The following MECOM variants were observed in gnomAD, a reference collection of about 807,000 sequenced individuals.
The protein encoded by MECOM is MDS1 and EVI1 complex locus, also known as histone-lysine N-methyltransferase MECOM.
Under a neutral mutation model 116.3 loss-of-function variants are expected in MECOM, and 13 were observed. That is an observed-to-expected ratio of 0.11 (90% CI 0.07 to 0.18). The LOEUF (loss-of-function observed/expected upper bound fraction) is 0.18. Ranked by LOEUF, MECOM falls within the 10% of genes least tolerant of loss-of-function variation. MECOM has a pLI of 1.00. For missense variants in MECOM, 1,299 were observed against 1,509.0 expected (o/e 0.86, Z 2.31); for synonymous variants, 528 against 535.2 (o/e 0.99, Z 0.19).
intron 1 of MECOM, among the ~76,000 whole-genome samples, chr3:169,576,067 G>T (rs1208298466): frequency 6.6e-6 from 1 of 152,142 alleles, no homozygotes; most frequent in Non-Finnish European, 1.5e-5. Context: ...GTAGGAGATG[G>T]AGTTTATGAT....
chr3:169,636,897 G>A (rs1454012145), intron 1 of MECOM, among the ~76,000 whole-genome samples: 1 of 152,116 alleles, frequency 6.6e-6, no homozygotes, highest in Non-Finnish European at 1.5e-5. Context: ...ACTGTGATCT[G>A]TTCATTTCTA....
In MECOM at chr3:169,384,981, G is replaced by A. The variant is rs189038739; in HGVS notation, c.38-3457C>T. ...TAGCCGGGCATAGTGGTGCATGCCT[G>A]TAGTCCCAGCCATTCTGGAGGCTGA... On this transcript the variant is annotated intron_variant, in intron 1 of 16. Transcript: ENST00000651503. Among the ~76,000 whole-genome samples the A allele has an allele frequency of 5.3e-5, 8 of 151,724 alleles. No homozygotes were observed. In the East Asian group the frequency reaches 1.6e-3, roughly 29 times the overall value.
intron 2 of MECOM, among the ~76,000 whole-genome samples, chr3:169,184,351 G>A (rs913783877): frequency 2.6e-5 from 4 of 152,188 alleles, no homozygotes; most frequent in African/African-American, 9.7e-5. Flanking sequence ...ACACAGTGGT[G>A]AAGGAGCACA....
chr3:169,235,088 GC>G (rs1383818537), intron 2 of MECOM, among the ~76,000 whole-genome samples: 2 of 152,168 alleles, frequency 1.3e-5, no homozygotes, highest in African/African-American at 4.8e-5. Context: ...CAACGACAGT[GC>G]TTACGCTATG....
rs182352684 is a variant in MECOM at position 169,614,522 on chromosome 3, G to A, written c.37+48814C>T. Among the ~76,000 whole-genome samples the A allele has an allele frequency of 2.0e-3, 309 of 152,124 alleles. 4 individuals carry two copies. Among genetic ancestry groups the A allele is most frequent in the African/African-American group, 7.2e-3 (297 of 41,488 alleles). ...AAATAGTCTTCATATTACAAATGTC[G>A]GATTCCTTTGAATAAATCTGGCCCG... On this transcript the variant is annotated intron_variant, in intron 1 of 16. Coordinates refer to ENST00000651503, the MANE Select transcript of MECOM (RefSeq NM_004991.4).
intron 1 of MECOM, among the ~76,000 whole-genome samples, chr3:169,642,191 G>T (rs894089203): frequency 6.6e-6 from 1 of 152,104 alleles, no homozygotes; most frequent in Non-Finnish European, 1.5e-5. Flanking sequence ...ACAGAGCTGT[G>T]CAACACTTGC....
At chr3:169,308,510 T>C (rs1355691350) in intron 2 of MECOM, among the ~76,000 whole-genome samples, 2 of 152,200 alleles carry the variant, frequency 1.3e-5, no homozygotes, top group African/African-American at 4.8e-5. Flanking sequence ...CTATCTACTG[T>C]TCAAAAATAA....
intron 1 of MECOM, among the ~76,000 whole-genome samples, chr3:169,612,244 T>C (rs1359801736): frequency 6.6e-6 from 1 of 152,144 alleles, no homozygotes; most frequent in Non-Finnish European, 1.5e-5. Flanking sequence ...CAAACGAAAA[T>C]ATGGACATAA....
At chr3:169,189,278 G>C (rs911720136) in intron 2 of MECOM, among the ~76,000 whole-genome samples, 3 of 151,358 alleles carry the variant, frequency 2.0e-5, no homozygotes, top group African/African-American at 7.3e-5. Flanking sequence ...TCTTCTACTT[G>C]ACCTTTACTA....
chr3:169,618,817 GC>G (rs1770335347), intron 1 of MECOM, among the ~76,000 whole-genome samples: 1 of 152,056 alleles, frequency 6.6e-6, no homozygotes, highest in African/African-American at 2.4e-5. Context: ...GAGATATAGA[GC>G]ATAAATCAAT....
At chr3:169,259,507 C>G (rs990560625) in intron 2 of MECOM, among the ~76,000 whole-genome samples, 5 of 152,134 alleles carry the variant, frequency 3.3e-5, no homozygotes, top group African/African-American at 1.2e-4. Flanking sequence ...CACTTTGCTT[C>G]AGCCCAGGTG....
At chr3:169,156,215 C>T (rs1038609714) in intron 2 of MECOM, among the ~76,000 whole-genome samples, 18 of 152,132 alleles carry the variant, frequency 1.2e-4, no homozygotes, top group African/African-American at 4.1e-4. Context: ...GTGCTAAATA[C>T]ACTTAAGTCT....
At chr3:169,168,062 A>G (rs1743867201) in intron 2 of MECOM, among the ~76,000 whole-genome samples, 1 of 152,140 alleles carries the variant, frequency 6.6e-6, no homozygotes, top group Non-Finnish European at 1.5e-5. Context: ...TTGCAATTCT[A>G]TTGTTAAAAA....
At chr3:169,266,057 G>A (rs1758260767) in intron 2 of MECOM, among the ~76,000 whole-genome samples, 1 of 152,054 alleles carries the variant, frequency 6.6e-6, no homozygotes, top group African/African-American at 2.4e-5. Flanking sequence ...TATTTATGAG[G>A]CAACATGGCT....
At chr3:169,382,879 A>AAAAAAAAAGAAG (rs1358767356) in intron 1 of MECOM, among the ~76,000 whole-genome samples, 3 of 138,518 alleles carry the variant, frequency 2.2e-5, no homozygotes, top group East Asian at 2.4e-4. Flanking sequence ...AAAAATAAAA[A>AAAAAAAAAGAAG]AAGAAGGTAA....
At chr3:169,147,470 C>G (rs976859357) in intron 2 of MECOM, 2 of 985,460 alleles carry the variant, frequency 2.0e-6, no homozygotes, top group Non-Finnish European at 2.4e-6. Flanking sequence ...CCAGAGTGAT[C>G]TGATCGGAAG....
At chr3:169,336,048 A>G (rs1723543861) in intron 2 of MECOM, among the ~76,000 whole-genome samples, 1 of 152,168 alleles carries the variant, frequency 6.6e-6, no homozygotes, top group Non-Finnish European at 1.5e-5. Flanking sequence ...TTAGATATCA[A>G]AATGGCTTTC....
In MECOM at chr3:169,472,567, G is replaced by C. The variant is rs1257982771; in HGVS notation, c.38-91043C>G. Reference sequence around the variant, plus strand: ...GGAAAGGAAAAGAAAAGAGAGGAGAGGAGAGGAGAGGAGAGGAAAGGAAAG... The same window carrying C: ...GGAAAGGAAAAGAAAAGAGAGGAGACGAGAGGAGAGGAGAGGAAAGGAAAG... On this transcript the variant is annotated intron_variant, in intron 1 of 16. Transcript: ENST00000651503. 1.0e-4 allele frequency among the ~76,000 whole-genome samples: 6 copies of C among 59,794 alleles called. 1 individual carries two copies. Among genetic ancestry groups the C allele is most frequent in the Non-Finnish European group, 1.8e-4 (6 of 33,302 alleles). The allele number at this position is 59,794 out of a possible 152,430, so 39.2% of individuals were successfully genotyped here.
intron 1 of MECOM, among the ~76,000 whole-genome samples, chr3:169,634,241 AACACACACAC>A (rs59934753): frequency 0.063 from 9,357 of 149,144 alleles, 372 homozygotes; most frequent in Non-Finnish European, 0.071. Context: ...TGTGTGCACA[AACACACACAC>A]ACACACACAC....
Sources: allele counts gnomAD v4.1 joint callset (sites outside exome capture counted in the v4.1 genomes callset), GRCh38; gene constraint gnomAD v4.1.1; transcripts MANE v1.5; gene names NCBI Gene and HGNC (gene_info 2026-07-23, HGNC 2026-07-21).